Variants in C3orf22 observed in about 807,000 individuals in gnomAD.
C3orf22 encodes the protein chromosome 3 open reading frame 22.
Under a neutral mutation model 10.8 loss-of-function variants are expected in C3orf22, and 7 were observed. The ratio of observed to expected loss-of-function variants is 0.65; its 90% CI spans 0.37 to 1.22. C3orf22 has a LOEUF of 1.22. Among genes scored for constraint, C3orf22 ranks in the 50% most tolerant of loss-of-function variants. The pLI, the probability that C3orf22 is intolerant of heterozygous loss-of-function variation, is 0.02. For missense variants in C3orf22, 173 were observed against 177.0 expected, an observed-to-expected ratio of 0.98 and a Z score of 0.13; for synonymous variants, 79 against 78.9, an observed-to-expected ratio of 1.00 and a Z score of 0.00.
At chr3:126,552,179 C>A in intron 2 of C3orf22, 57 bp from the exon 3 acceptor site, 1 of 1,609,238 alleles carries the variant, frequency 6.2e-7, no homozygotes, top group South Asian at 1.1e-5. Context: ...CCTGAAGTAA[C>A]TCTCACTCAT....
chr3:126,549,845 A>G lies in C3orf22; in HGVS notation c.*23T>C. The G allele has an allele frequency of 6.3e-7, 1 of 1,590,390 alleles. No individual in the cohort carries two copies. ...GCCAAGGAGAAGGTGGCCAATAAGA[A>G]GGCCACACACAGAGCCCAGTCTCTA... is the stretch of plus-strand genomic sequence containing the variant. On this transcript the variant is annotated 3_prime_UTR_variant, in exon 4 of 4. Coordinates refer to ENST00000318225, the MANE Select transcript of C3orf22 (RefSeq NM_152533.3).
At chr3:126,547,239 A>G (rs1011433235), downstream of C3orf22, among the ~76,000 whole-genome samples, 17 of 152,162 alleles carry the variant, frequency 1.1e-4, no homozygotes, top group African/African-American at 2.7e-4. Flanking sequence ...CCACTGTGTG[A>G]GCATTTCTAA....
At chr3:126,536,409 T>C in intron 4 of C3orf22, 1 of 1,400,376 alleles carries the variant, frequency 7.1e-7, no homozygotes, top group Non-Finnish European at 1.0e-6. Context: ...GCCAGGAGCC[T>C]GACAGCAACA....
At chr3:126,547,177 G>A (rs1937082645), downstream of C3orf22, among the ~76,000 whole-genome samples, 1 of 152,218 alleles carries the variant, frequency 6.6e-6, no homozygotes. Flanking sequence ...GGCACATGGG[G>A]ACCCAGATGG....
intron 4 of C3orf22, among the ~76,000 whole-genome samples, chr3:126,536,896 A>AACACACACACACACAC (rs10670471): frequency 6.4e-5 from 9 of 140,400 alleles, no homozygotes; most frequent in African/African-American, 2.1e-4. Flanking sequence ...CACACACACA[A>AACACACACACACACAC]ACACACACAC....
rs1213145737 is a variant in C3orf22, at chr3:126,529,909, T to C, written c.287-537A>G. On this transcript the variant is annotated intron_variant and NMD_transcript_variant, in intron 4 of 5. Transcript: ENST00000505070. ...ACACTGCCTGGCTCTCCCTGTTCTGTCTGCTCCTCTGTCCCCTTGGCAGGG... is the reference window on the plus strand; with the variant it reads ...ACACTGCCTGGCTCTCCCTGTTCTGCCTGCTCCTCTGTCCCCTTGGCAGGG... Among the ~76,000 whole-genome samples the C allele has an allele frequency of 2.0e-5, 3 of 152,234 alleles. No homozygotes were observed. The East Asian group carries it at 5.8e-4, about 29-fold the overall frequency.
At chr3:126,539,768 A>AACACACACACAC (rs1936896169) in intron 4 of C3orf22, among the ~76,000 whole-genome samples, 1 of 66,312 alleles carries the variant, frequency 1.5e-5, no homozygotes, top group Non-Finnish European at 3.0e-5. Context: ...CACACCACAC[A>AACACACACACAC]CACAGCACAC....
chr3:126,542,461 G>A, intron 4 of C3orf22: 1 of 1,573,788 alleles, frequency 6.4e-7, no homozygotes, highest in Non-Finnish European at 8.6e-7. Flanking sequence ...CCCGCGACCT[G>A]GCAGCGCGCC....
intron 5 of C3orf22, among the ~76,000 whole-genome samples, chr3:126,528,470 TG>T (rs1936579716): frequency 1.3e-5 from 2 of 151,944 alleles, no homozygotes; most frequent in Admixed American, 1.3e-4. Flanking sequence ...TGGTGGGCCT[TG>T]GGGGGAACCA....
intron 4 of C3orf22, among the ~76,000 whole-genome samples, chr3:126,543,752 ATGTG>A (rs1222211004): frequency 1.3e-5 from 2 of 151,816 alleles, no homozygotes; most frequent in Non-Finnish European, 2.9e-5. Flanking sequence ...AATTGTGTGT[ATGTG>A]TATGTGTGAA....
chr3:126,552,766 C>T (rs1937226291), intron 2 of C3orf22, among the ~76,000 whole-genome samples: 1 of 152,196 alleles, frequency 6.6e-6, no homozygotes, highest in South Asian at 2.1e-4. Flanking sequence ...AAGCTGAGCC[C>T]CAGTGCCAGG....
At chr3:126,541,859 G>A in intron 4 of C3orf22, 1 of 1,590,064 alleles carries the variant, frequency 6.3e-7, no homozygotes, top group Non-Finnish European at 8.6e-7. Flanking sequence ...GCTGGTGGAC[G>A]ACGCGCATGG....
intron 4 of C3orf22, among the ~76,000 whole-genome samples, chr3:126,532,519 G>A (rs903134305): frequency 6.6e-6 from 1 of 152,172 alleles, no homozygotes; most frequent in Non-Finnish European, 1.5e-5. Context: ...ACCACTTATT[G>A]TAGACTGTCC....
chr3:126,532,180 A>G (rs1936674061), intron 4 of C3orf22, among the ~76,000 whole-genome samples: 2 of 152,212 alleles, frequency 1.3e-5, no homozygotes, highest in African/African-American at 4.8e-5. Flanking sequence ...TACCAGAGAG[A>G]TAATTTGCAA....
intron 5 of C3orf22, among the ~76,000 whole-genome samples, chr3:126,528,348 A>T (rs1454830170): frequency 1.3e-5 from 2 of 152,148 alleles, no homozygotes; most frequent in East Asian, 3.9e-4. Context: ...GTCCCCTTCC[A>T]TGTAGATCTG....
chr3:126,535,083 C>T (rs66662094), intron 4 of C3orf22, among the ~76,000 whole-genome samples: 25,008 of 102,028 alleles, frequency 0.25, 4,544 homozygotes, highest in Admixed American at 0.28. Context: ...ATCCCTGTCC[C>T]CAGCCGGGAG....
downstream of C3orf22, among the ~76,000 whole-genome samples, chr3:126,545,316 C>A (rs567616739): frequency 1.3e-5 from 2 of 152,366 alleles, no homozygotes; most frequent in Admixed American, 6.5e-5. Flanking sequence ...TGGCAGGACA[C>A]CTCCCAGGAT....
intron 3 of C3orf22, among the ~76,000 whole-genome samples, chr3:126,551,764 G>C (rs1283140963): frequency 6.6e-6 from 1 of 152,228 alleles, no homozygotes; most frequent in East Asian, 1.9e-4. Context: ...GCCTAACCCC[G>C]GTGGCCTGGG....
downstream of C3orf22, among the ~76,000 whole-genome samples, chr3:126,545,634 G>A (rs2107576150): frequency 6.6e-6 from 1 of 152,334 alleles, no homozygotes; most frequent in Non-Finnish European, 1.5e-5. Flanking sequence ...TAAGACAGTA[G>A]CAGGGTGAAG....
Sources: allele counts gnomAD v4.1 joint callset (sites outside exome capture counted in the v4.1 genomes callset), GRCh38; gene constraint gnomAD v4.1.1; transcripts MANE v1.5; gene names NCBI Gene and HGNC (gene_info 2026-07-23, HGNC 2026-07-21).